ZMIZ1: variants seen among roughly 807,000 people sequenced by gnomAD.
ZMIZ1 encodes the protein zinc finger MIZ domain-containing protein 1.
In ZMIZ1, 17 loss-of-function variants were observed where a neutral mutation model predicts 113.9. The observed-to-expected ratio is 0.15, with a 90% CI of 0.10 to 0.22. The LOEUF (loss-of-function observed/expected upper bound fraction) is 0.22, where lower values mean the gene tolerates loss of function less well. Among genes scored for constraint, ZMIZ1 ranks in the 10% least tolerant of loss-of-function variants. The pLI, the probability that ZMIZ1 is intolerant of heterozygous loss-of-function variation, is 1.00. For synonymous variants in ZMIZ1, 607 were observed against 603.1 expected, an observed-to-expected ratio of 1.01 and a Z score of -0.09; for missense variants, 1,059 against 1,477.8, an observed-to-expected ratio of 0.72 and a Z score of 4.65.
intron 4 of ZMIZ1, among the ~76,000 whole-genome samples, chr10:79,188,484 T>C (rs1486544822): frequency 6.6e-6 from 1 of 152,216 alleles, no homozygotes; most frequent in Non-Finnish European, 1.5e-5. Flanking sequence ...ATGGCTTTCA[T>C]GAAGCTGGAC....
chr10:79,114,482 T>A (rs978524772), intron 1 of ZMIZ1, among the ~76,000 whole-genome samples: 1 of 124,868 alleles, frequency 8.0e-6, no homozygotes, highest in African/African-American at 3.1e-5. Flanking sequence ...TGTGTCTGTG[T>A]GTGTGTGTGT....
chr10:79,277,377 C>T (rs1852367314), intron 8 of ZMIZ1, 52 bp downstream of exon 8: 2 of 1,513,516 alleles, frequency 1.3e-6, no homozygotes, highest in Non-Finnish European at 1.8e-6. Context: ...CCCCTCTGGT[C>T]TCAGATCTCC....
intron 4 of ZMIZ1, among the ~76,000 whole-genome samples, chr10:79,196,107 C>T (rs1448593319): frequency 6.6e-6 from 1 of 152,222 alleles, no homozygotes; most frequent in Non-Finnish European, 1.5e-5. Context: ...GAGCCTCCAT[C>T]TCCTCCATTC....
chr10:79,197,795 C>T (rs192887319), intron 4 of ZMIZ1, among the ~76,000 whole-genome samples: 37 of 152,088 alleles, frequency 2.4e-4, no homozygotes, highest in African/African-American at 8.4e-4. Flanking sequence ...ATTTTCTTAT[C>T]TGTGCTGTGC....
chr10:79,117,238 A>G (rs1369040822), intron 1 of ZMIZ1, among the ~76,000 whole-genome samples: 1 of 152,022 alleles, frequency 6.6e-6, no homozygotes, highest in Non-Finnish European at 1.5e-5. Flanking sequence ...GATCTAAACA[A>G]CTCTCAAGGC....
rs1855348318 is a variant in ZMIZ1 at position 79,313,603 on chromosome 10, G to T, written c.*854G>T. ...TTGTGCCCTTGGTTGGGGGGCGCGG[G>T]CATATAACCTGTCAGAAGCAAACAG... On this transcript the variant is annotated 3_prime_UTR_variant, in exon 25 of 25. Coordinates refer to ENST00000334512, the MANE Select transcript of ZMIZ1 (RefSeq NM_020338.4). 1 of 220,940 alleles carries T rather than the reference G, an allele frequency of 4.5e-6. No homozygotes were observed. Among genetic ancestry groups the T allele is most frequent in the African/African-American group, 2.3e-5 (1 of 42,896 alleles). 13.7% of individuals were successfully genotyped at this position (220,940 alleles called of 1,614,324 possible).
At chr10:79,248,846 GGGACT>G (rs1345567409) in intron 7 of ZMIZ1, among the ~76,000 whole-genome samples, 1 of 152,182 alleles carries the variant, frequency 6.6e-6, no homozygotes, top group African/African-American at 2.4e-5. Context: ...CCCTGGGGCT[GGGACT>G]GGAGTGGATG....
At position 79,289,888 on chromosome 10, in the gene ZMIZ1, A is replaced by G; in HGVS notation, c.539A>G (p.Gln180Arg). The G allele has an allele frequency of 6.2e-7, 1 of 1,613,830 alleles. No individual in the cohort carries two copies. The highest frequency in any genetic ancestry group is 8.5e-7 in the Non-Finnish European group (1 of 1,179,744). Residue 180 changes from glutamine (Q) to arginine (R), a missense_variant and splice_region_variant, in exon 9 of 25, where the codon CAG becomes CGG. By Grantham distance (43) the Gln-to-Arg change is conservative (BLOSUM62 1). This residue lies in a region of ZMIZ1 where 272 missense variants were observed against 350.4 expected (regional missense o/e 0.78). Transcript: ENST00000334512. ...GGAGTAACCAACACATCCCAGAGCC[A>G]GGTAAGAGCCTATACTGCCCTCAGC... ...VWGVTNTSQSQVLGNPMANAN... is the reference protein window; with the variant it reads ...VWGVTNTSQSRVLGNPMANAN...
At chr10:79,255,949 T>C (rs2132912755) in intron 7 of ZMIZ1, among the ~76,000 whole-genome samples, 1 of 152,352 alleles carries the variant, frequency 6.6e-6, no homozygotes, top group East Asian at 1.9e-4. Context: ...CCAAATTGGT[T>C]TAAGTGGCAA....
chr10:79,183,396 G>C (rs573653765), intron 4 of ZMIZ1, among the ~76,000 whole-genome samples: 2 of 151,840 alleles, frequency 1.3e-5, no homozygotes, highest in African/African-American at 4.8e-5. Context: ...ACACACCCAT[G>C]TGTGCAGAGA....
At chr10:79,169,791 C>A (rs1222259503) in intron 4 of ZMIZ1, among the ~76,000 whole-genome samples, 1 of 152,176 alleles carries the variant, frequency 6.6e-6, no homozygotes, top group Non-Finnish European at 1.5e-5. Flanking sequence ...TGCAGTGCAC[C>A]CACCTGGCAG....
intron 4 of ZMIZ1, among the ~76,000 whole-genome samples, chr10:79,200,055 T>TA (rs1848005739): frequency 6.6e-6 from 1 of 152,072 alleles, no homozygotes; most frequent in Non-Finnish European, 1.5e-5. Flanking sequence ...ATCCTGGCCT[T>TA]AGAGAGTGTG....
At chr10:79,188,913 A>G (rs1217443835) in intron 4 of ZMIZ1, among the ~76,000 whole-genome samples, 5 of 152,006 alleles carry the variant, frequency 3.3e-5, no homozygotes, top group South Asian at 4.2e-4. Context: ...GCTTTCCCCA[A>G]CTCATCTAAC....
At chr10:79,283,296 G>C (rs1852856521) in intron 8 of ZMIZ1, among the ~76,000 whole-genome samples, 1 of 152,160 alleles carries the variant, frequency 6.6e-6, no homozygotes, top group Non-Finnish European at 1.5e-5. Flanking sequence ...TGGGCCTTGA[G>C]TTTCAGCTGG....
At chr10:79,212,260 C>T (rs564142762) in intron 6 of ZMIZ1, among the ~76,000 whole-genome samples, 2 of 152,186 alleles carry the variant, frequency 1.3e-5, no homozygotes, top group South Asian at 2.1e-4. Context: ...TGGGCTTAAG[C>T]GATCCTCCTG....
rs540453399 is a variant in ZMIZ1, at chr10:79,105,490, C to G, written c.-336-13425C>G. On this transcript the variant is annotated intron_variant, in intron 1 of 24. Coordinates refer to ENST00000334512, the MANE Select transcript of ZMIZ1 (RefSeq NM_020338.4). ...CTCCTCAAAGGTAAACAAAAGTGAC[C>G]GTTGGCATTCAGGAGTTCATGTTAA... is the stretch of plus-strand genomic sequence containing the variant. Among the ~76,000 whole-genome samples, 34 of 152,308 alleles carry G rather than the reference C, an allele frequency of 2.2e-4. No individual in the cohort carries two copies. In the East Asian group the frequency reaches 5.8e-3, roughly 26 times the overall value.
At chr10:79,281,638 G>A (rs1017693495) in intron 8 of ZMIZ1, among the ~76,000 whole-genome samples, 2 of 152,222 alleles carry the variant, frequency 1.3e-5, no homozygotes, top group Non-Finnish European at 2.9e-5. Flanking sequence ...TAAGTGGTCT[G>A]TCAGAGAAAG....
intron 2 of ZMIZ1, among the ~76,000 whole-genome samples, chr10:79,133,489 G>A (rs1844860378): frequency 2.0e-5 from 3 of 152,218 alleles, no homozygotes; most frequent in Admixed American, 2.0e-4. Context: ...GCAAAGAAGA[G>A]AGAAGTAGGG....
intron 6 of ZMIZ1, among the ~76,000 whole-genome samples, chr10:79,211,715 C>G (rs1848533910): frequency 6.6e-6 from 1 of 152,262 alleles, no homozygotes; most frequent in Admixed American, 6.5e-5. Flanking sequence ...ACAGGACCCC[C>G]AGGCCCTGCC....
Sources: gnomAD v4.1 joint callset for allele counts (sites outside exome capture counted in the v4.1 genomes callset) on GRCh38, gnomAD v4.1.1 for gene constraint, gnomAD v4.1.1 regional missense constraint, MANE v1.5 for transcripts, NCBI Gene and HGNC (gene_info 2026-07-23, HGNC 2026-07-21) for gene names.